MALRD1: variants seen among roughly 807,000 people sequenced by gnomAD.
MALRD1 encodes MAM and LDL-receptor class A domain-containing protein 1.
Under a neutral mutation model 242.1 loss-of-function variants are expected in MALRD1, and 247 were observed. The observed-to-expected ratio is 1.02, with a 90% CI of 0.92 to 1.13. The LOEUF (loss-of-function observed/expected upper bound fraction) is 1.13. Among genes scored for constraint, MALRD1 ranks in the 50% most tolerant of loss-of-function variants. The pLI, the probability that MALRD1 is intolerant of heterozygous loss-of-function variation, is 0.00. For missense variants in MALRD1, 2,989 were observed against 2,533.1 expected (o/e 1.18, Z -3.86); for synonymous variants, 995 against 866.6 (o/e 1.15, Z -2.60).
At position 19,592,662 on chromosome 10, in the gene MALRD1, T is replaced by A. The variant is rs372937434; in HGVS notation, c.5681-2532T>A. On this transcript the variant is annotated intron_variant, in intron 33 of 39. Coordinates refer to ENST00000454679, the MANE Select transcript of MALRD1 (RefSeq NM_001142308.3). Reference sequence around the variant, plus strand: ...CAGTAAAAAAAATTTCTGCTTTTAATGCAATGCCTACCTCCGAAAGGAGAA... The same window carrying A: ...CAGTAAAAAAAATTTCTGCTTTTAAAGCAATGCCTACCTCCGAAAGGAGAA... Among the ~76,000 whole-genome samples the A allele has an allele frequency of 1.4e-4, 22 of 152,058 alleles. No individual in the cohort carries two copies. The East Asian group carries it at 2.3e-3, about 16-fold the overall frequency.
At chr10:19,426,982 C>T (rs1301417514) in intron 28 of MALRD1, among the ~76,000 whole-genome samples, 2 of 152,072 alleles carry the variant, frequency 1.3e-5, no homozygotes, top group Non-Finnish European at 2.9e-5. Context: ...AGTTTCTTTT[C>T]CGTAATGACT....
intron 19 of MALRD1, among the ~76,000 whole-genome samples, chr10:19,265,494 G>A (rs74593623): frequency 1.3e-5 from 2 of 151,820 alleles, no homozygotes; most frequent in African/African-American, 2.4e-5. Flanking sequence ...GGTTTTTAAG[G>A]AGTATGTTGT....
chr10:19,209,865 A>C (rs2358356), intron 18 of MALRD1, among the ~76,000 whole-genome samples, 185 bp downstream of exon 18: 132,641 of 152,158 alleles, frequency 0.87, 57,978 homozygotes, highest in African/African-American at 0.94. Context: ...GACTACCCCC[A>C]ATGATGTAAG....
intron 29 of MALRD1, among the ~76,000 whole-genome samples, chr10:19,457,790 A>G (rs914589097): frequency 6.6e-6 from 1 of 151,078 alleles, no homozygotes; most frequent in Non-Finnish European, 1.5e-5. Flanking sequence ...GATATCAGAC[A>G]TATCATTAGT....
chr10:19,551,153 T>C (rs1202900753), intron 32 of MALRD1, among the ~76,000 whole-genome samples: 1 of 152,184 alleles, frequency 6.6e-6, no homozygotes, highest in African/African-American at 2.4e-5. Flanking sequence ...ACATTTTTAA[T>C]AAGGTTGTTT....
chr10:19,154,053 A>G (rs1216379879), intron 11 of MALRD1, among the ~76,000 whole-genome samples: 1 of 152,158 alleles, frequency 6.6e-6, no homozygotes, highest in Non-Finnish European at 1.5e-5. Flanking sequence ...TTTCCTTTTT[A>G]GGTGAAGCAT....
intron 38 of MALRD1, among the ~76,000 whole-genome samples, chr10:19,720,250 C>T (rs1224975193): frequency 2.6e-5 from 4 of 152,126 alleles, no homozygotes; most frequent in African/African-American, 9.7e-5. Context: ...CCCTCCTTGC[C>T]AACACTTTCT....
At chr10:19,385,527 T>A (rs1029265170) in intron 26 of MALRD1, among the ~76,000 whole-genome samples, 1 of 152,072 alleles carries the variant, frequency 6.6e-6, no homozygotes. Flanking sequence ...ATTCTTGGTG[T>A]ATAATTGTTC....
chr10:19,341,177 A>G (rs1267933567), intron 24 of MALRD1, among the ~76,000 whole-genome samples: 1 of 151,930 alleles, frequency 6.6e-6, no homozygotes, highest in Non-Finnish European at 1.5e-5. Flanking sequence ...AATTGAATAG[A>G]CTAAAATATA....
intron 29 of MALRD1, among the ~76,000 whole-genome samples, chr10:19,457,665 T>G (rs1835728802): frequency 6.6e-6 from 1 of 150,778 alleles, no homozygotes; most frequent in African/African-American, 2.4e-5. Flanking sequence ...AGTTTCTTCT[T>G]GAGAACTGCA....
chr10:19,276,970 A>G (rs978247139), intron 19 of MALRD1, among the ~76,000 whole-genome samples: 1 of 151,958 alleles, frequency 6.6e-6, no homozygotes, highest in East Asian at 1.9e-4. Context: ...CCCAGACCAG[A>G]GTGCAGTGGT....
chr10:19,671,043 TA>T (rs1168311550), intron 36 of MALRD1, among the ~76,000 whole-genome samples: 1 of 152,074 alleles, frequency 6.6e-6, no homozygotes, highest in Non-Finnish European at 1.5e-5. Context: ...CACGCCTGGC[TA>T]ATTTTTTTAT....
At chr10:19,062,915 G>T (rs1222816034) in intron 1 of MALRD1, among the ~76,000 whole-genome samples, 1 of 152,158 alleles carries the variant, frequency 6.6e-6, no homozygotes, top group African/African-American at 2.4e-5. Flanking sequence ...GGAGGCCGAG[G>T]CTGGTGGAAT....
At chr10:19,218,338 C>T (rs1160025040) in intron 18 of MALRD1, among the ~76,000 whole-genome samples, 3 of 152,002 alleles carry the variant, frequency 2.0e-5, no homozygotes, top group South Asian at 2.1e-4. Flanking sequence ...TATGCTAAGA[C>T]GTCACTTTTC....
intron 21 of MALRD1, among the ~76,000 whole-genome samples, chr10:19,289,786 A>G (rs1295150825): frequency 6.6e-6 from 1 of 152,148 alleles, no homozygotes; most frequent in Non-Finnish European, 1.5e-5. Context: ...GCATCTTGCT[A>G]TAGAAATTTA....
intron 28 of MALRD1, among the ~76,000 whole-genome samples, chr10:19,412,175 C>T (rs1833301250): frequency 6.6e-6 from 1 of 152,150 alleles, no homozygotes; most frequent in East Asian, 1.9e-4. Flanking sequence ...CCTGTAATCC[C>T]AGCTACTCGG....
At chr10:19,287,559 G>C (rs937134728) in intron 21 of MALRD1, among the ~76,000 whole-genome samples, 2 of 151,836 alleles carry the variant, frequency 1.3e-5, no homozygotes, top group Non-Finnish European at 2.9e-5. Context: ...TTTTTCTGTA[G>C]ATGTTTTATG....
chr10:19,524,109 G>A (rs1003619803), intron 31 of MALRD1, among the ~76,000 whole-genome samples: 25 of 152,134 alleles, frequency 1.6e-4, no homozygotes, highest in Admixed American at 3.3e-4. Flanking sequence ...CACTGCATCT[G>A]TGTTTTCCAT....
chr10:19,199,118 A>G (rs75065819), intron 14 of MALRD1, among the ~76,000 whole-genome samples: 9,859 of 152,274 alleles, frequency 0.065, 358 homozygotes, highest in Middle Eastern at 0.092. Flanking sequence ...AGAATACTCA[A>G]TTAACTTTTG....
Sources: gnomAD v4.1 joint callset for allele counts (sites outside exome capture counted in the v4.1 genomes callset) on GRCh38, gnomAD v4.1.1 for gene constraint, MANE v1.5 for transcripts, NCBI Gene and HGNC (gene_info 2026-07-23, HGNC 2026-07-21) for gene names.